Variants in SLC5A3 observed in about 807,000 individuals in gnomAD.
SLC5A3 encodes solute carrier family 5 member 3, also known as sodium/myo-inositol cotransporter.
A neutral mutation model predicts 43.2 loss-of-function variants in SLC5A3; 10 were observed. The ratio of observed to expected loss-of-function variants is 0.23; its 90% CI spans 0.14 to 0.39. SLC5A3 has a LOEUF of 0.39. Among genes scored for constraint, SLC5A3 ranks in the 10% least tolerant of loss-of-function variants. The pLI, the probability that SLC5A3 is intolerant of heterozygous loss-of-function variation, is 1.00. For synonymous variants in SLC5A3, 349 were observed against 322.0 expected, an observed-to-expected ratio of 1.08 and a Z score of -0.90; for missense variants, 608 against 893.4, an observed-to-expected ratio of 0.68 and a Z score of 4.07.
rs769899447 is a variant in SLC5A3 at position 34,095,933 on chromosome 21, A to G, written c.735A>G (p.Lys245=). The change falls in exon 2 of 2, where the codon AAA becomes AAG. Residue 245 remains lysine (K), a synonymous_variant. Coordinates refer to ENST00000381151, the MANE Select transcript of SLC5A3 (RefSeq NM_006933.7). ...ATTCTTGTAATGTCTCCCCTAAGAA[A>G]GAAGCCCTGAAAATGCTGCGGAATC... is the stretch of plus-strand genomic sequence containing the variant. ...NTNSCNVSPK[K]EALKMLRNPT... 2 of 1,614,140 alleles carry G rather than the reference A, an allele frequency of 1.2e-6. No homozygotes were observed. Among genetic ancestry groups the G allele is most frequent in the South Asian group, 1.1e-5 (1 of 91,082 alleles).
In SLC5A3 at chr21:34,088,870, A is replaced by AT. The variant is rs549629019; in HGVS notation, c.-336-5978dup. Among the ~76,000 whole-genome samples, 1,411 of 145,426 alleles carry AT rather than the reference A, an allele frequency of 9.7e-3. 8 individuals carry two copies. Among genetic ancestry groups the AT allele is most frequent in the Non-Finnish European group, 0.012 (772 of 65,718 alleles). ...GTGTTAGGACTTAGGTTAGTGTAAG[A>AT]TTTTTTTTTTTTTTTAAATTTCCAT... is the stretch of plus-strand genomic sequence containing the variant. On this transcript the variant is annotated intron_variant, in intron 1 of 1. Coordinates refer to ENST00000381151, the MANE Select transcript of SLC5A3 (RefSeq NM_006933.7).
chr21:34,102,059 A>G lies in SLC5A3; in HGVS notation c.*4704A>G. ...TATGAGGCTGGATTGTGAAAAGGTA[A>G]TCTTTCGATTGCTAGACTTGGTTAA... On this transcript the variant is annotated 3_prime_UTR_variant, in exon 2 of 2. Transcript: ENST00000381151. The G allele has an allele frequency of 6.0e-6, 6 of 1,000,024 alleles. No homozygotes were observed. The highest frequency in any genetic ancestry group is 7.2e-6 in the Non-Finnish European group (6 of 829,792). 61.9% of individuals were successfully genotyped at this position (1,000,024 alleles called of 1,614,324 possible).
rs939437058 is a variant in SLC5A3, at chr21:34,073,617, A to C, written c.-465A>C. On this transcript the variant is annotated 5_prime_UTR_variant, in exon 1 of 2. Coordinates refer to ENST00000381151, the MANE Select transcript of SLC5A3 (RefSeq NM_006933.7). ...GGAGCCGTCCGGCGCAGCAGTTTCT[A>C]GGTCCCCACTGTCCCCGCCGTCCCG... 3 of 1,228,750 alleles carry C rather than the reference A, an allele frequency of 2.4e-6. No individual in the cohort carries two copies. In the African/African-American group the frequency reaches 4.8e-5, roughly 20 times the overall value. 76.1% of individuals were successfully genotyped at this position (1,228,750 alleles called of 1,614,324 possible). A position where few individuals can be genotyped will look rare whatever the true frequency, so the allele number is the denominator to read the frequency against.
At chr21:34,079,442 T>G (rs982625353) in intron 1 of SLC5A3, among the ~76,000 whole-genome samples, 1 of 150,504 alleles carries the variant, frequency 6.6e-6, no homozygotes, top group Non-Finnish European at 1.5e-5. Flanking sequence ...TTCTTCTTCT[T>G]TCTGTTTTTT....
rs370477500 is a variant in SLC5A3 at position 34,073,656 on chromosome 21, C to G, written c.-426C>G. 7.3e-6 allele frequency: 11 copies of G among 1,507,620 alleles called. No individual in the cohort carries two copies. Among genetic ancestry groups the G allele is most frequent in the South Asian group, 7.0e-5 (6 of 85,726 alleles). 93.4% of individuals were successfully genotyped at this position (1,507,620 alleles called of 1,614,324 possible). On this transcript the variant is annotated 5_prime_UTR_variant, in exon 1 of 2. Coordinates refer to ENST00000381151, the MANE Select transcript of SLC5A3 (RefSeq NM_006933.7). ...CCCGCCGTCCCGCCCCTTCGCGTCC[C>G]GGGAACCGGCTGGCTTCCGAGCCGC...
At position 34,105,378 on chromosome 21, in the gene SLC5A3, A is replaced by G; in HGVS notation, c.*8023A>G. On this transcript the variant is annotated 3_prime_UTR_variant, in exon 2 of 2. Coordinates refer to ENST00000381151, the MANE Select transcript of SLC5A3 (RefSeq NM_006933.7). ...AAAGTTAGTAGTCTTCTTCAAGAAG[A>G]AAACCAATTCTTTTTCTAATAATAT... is the stretch of plus-strand genomic sequence containing the variant. The G allele has an allele frequency of 1.0e-6, 1 of 999,708 alleles. No homozygotes were observed. Among genetic ancestry groups the G allele is most frequent in the Non-Finnish European group, 1.2e-6 (1 of 829,600 alleles). The allele number at this position is 999,708 out of a possible 1,614,324, so 61.9% of individuals were successfully genotyped here.
At chr21:34,092,317 T>G (rs143014532) in intron 1 of SLC5A3, among the ~76,000 whole-genome samples, 1 of 152,176 alleles carries the variant, frequency 6.6e-6, no homozygotes, top group African/African-American at 2.4e-5. Context: ...TTTTCCAGTC[T>G]TTACCAGGTG....
intron 1 of SLC5A3, among the ~76,000 whole-genome samples, chr21:34,076,008 C>T (rs145766996): frequency 2.3e-3 from 352 of 152,304 alleles, no homozygotes; most frequent in African/African-American, 7.4e-3. Flanking sequence ...TTCAAAGTTG[C>T]GTATCTTCCA....
Position 34,103,711 on chromosome 21 carries a change from A to G in SLC5A3, c.*6356A>G. ...TTGCTATGAGCACTACAGTATTGATAAGCCCAAGACAATGCGGTATCTAAA... is the reference window on the plus strand; with the variant it reads ...TTGCTATGAGCACTACAGTATTGATGAGCCCAAGACAATGCGGTATCTAAA... On this transcript the variant is annotated 3_prime_UTR_variant, in exon 2 of 2. Coordinates refer to ENST00000381151, the MANE Select transcript of SLC5A3 (RefSeq NM_006933.7). 1.0e-6 allele frequency: 1 copy of G among 1,000,134 alleles called. No individual in the cohort carries two copies. Among genetic ancestry groups the G allele is most frequent in the Non-Finnish European group, 1.2e-6 (1 of 829,930 alleles). The allele number at this position is 1,000,134 out of a possible 1,614,324, so 62.0% of individuals were successfully genotyped here.
intron 1 of SLC5A3, among the ~76,000 whole-genome samples, chr21:34,080,401 A>C (rs1231015541): frequency 6.6e-6 from 1 of 152,156 alleles, no homozygotes; most frequent in African/African-American, 2.4e-5. Flanking sequence ...CAGTAAACAA[A>C]GTTGTGCAGA....
chr21:34,100,069 T>C lies in SLC5A3; in HGVS notation c.*2714T>C. On this transcript the variant is annotated 3_prime_UTR_variant, in exon 2 of 2. Transcript: ENST00000381151. ...AATGATGACATTGGTCTTTAGACAT[T>C]AACATGTGTATATTTTTATATTAGC... The C allele has an allele frequency of 4.0e-6, 4 of 996,882 alleles. No homozygotes were observed. The highest frequency in any genetic ancestry group is 4.8e-6 in the Non-Finnish European group (4 of 826,974). 61.8% of individuals were successfully genotyped at this position (996,882 alleles called of 1,614,324 possible).
chr21:34,073,659 G>A lies in SLC5A3; in HGVS notation c.-423G>A. 1 of 1,509,420 alleles carries A rather than the reference G, an allele frequency of 6.6e-7. No homozygotes were observed. The highest frequency in any genetic ancestry group is 2.7e-5 in the East Asian group (1 of 36,822). The allele number at this position is 1,509,420 out of a possible 1,614,324, so 93.5% of individuals were successfully genotyped here. ...GCCGTCCCGCCCCTTCGCGTCCCGGGAACCGGCTGGCTTCCGAGCCGCACT... is the reference window on the plus strand; with the variant it reads ...GCCGTCCCGCCCCTTCGCGTCCCGGAAACCGGCTGGCTTCCGAGCCGCACT... On this transcript the variant is annotated 5_prime_UTR_variant, in exon 1 of 2. Transcript: ENST00000381151.
At chr21:34,090,097 G>A (rs964761181) in intron 1 of SLC5A3, among the ~76,000 whole-genome samples, 2 of 152,300 alleles carry the variant, frequency 1.3e-5, no homozygotes, top group East Asian at 3.9e-4. Flanking sequence ...TTTGGGAGGA[G>A]CATTTCAGAT....
rs551314834 is a variant in SLC5A3, at chr21:34,097,265, A to G, written c.2067A>G (p.Glu689=). The G allele has an allele frequency of 6.2e-7, 1 of 1,614,012 alleles. No individual in the cohort carries two copies. The highest frequency in any genetic ancestry group is 1.3e-5 in the African/African-American group (1 of 75,058). The part of the protein sequence containing the change: ...EEEAVCLQML[E]ETRQVKVILN... Reference sequence around the variant, plus strand: ...AGGCTGTTTGTTTACAGATGCTAGAAGAGACTCGGCAAGTTAAAGTAATAC... The same window carrying G: ...AGGCTGTTTGTTTACAGATGCTAGAGGAGACTCGGCAAGTTAAAGTAATAC... Residue 689 remains glutamate (E), a synonymous_variant, in exon 2 of 2, where the codon GAA becomes GAG. Coordinates refer to ENST00000381151, the MANE Select transcript of SLC5A3 (RefSeq NM_006933.7).
chr21:34,103,315 T>TAAAAAAAAAA lies in SLC5A3; in HGVS notation c.*5967_*5976dup. 2.2e-6 allele frequency: 2 copies of TAAAAAAAAAA among 911,356 alleles called. No individual in the cohort carries two copies. Among genetic ancestry groups the TAAAAAAAAAA allele is most frequent in the South Asian group, 5.2e-5 (1 of 19,222 alleles). 56.5% of individuals were successfully genotyped at this position (911,356 alleles called of 1,614,324 possible). ...ATTTTGTCGTAACTAGTGAAGGAAG[T>TAAAAAAAAAA]AAAAAAAAAAAAAAAACATGCATTA... On this transcript the variant is annotated 3_prime_UTR_variant, in exon 2 of 2. Coordinates refer to ENST00000381151, the MANE Select transcript of SLC5A3 (RefSeq NM_006933.7).
At position 34,103,229 on chromosome 21, in the gene SLC5A3, A is replaced by T. The variant is rs573684951; in HGVS notation, c.*5874A>T. The T allele has an allele frequency of 1.1e-4, 112 of 999,326 alleles. No homozygotes were observed. The highest frequency in any genetic ancestry group is 1.2e-4 in the Non-Finnish European group (101 of 829,774). 61.9% of individuals were successfully genotyped at this position (999,326 alleles called of 1,614,324 possible). A position where few individuals can be genotyped will look rare whatever the true frequency, so the allele number is the denominator to read the frequency against. On this transcript the variant is annotated 3_prime_UTR_variant, in exon 2 of 2. Transcript: ENST00000381151. The stretch of plus-strand genomic sequence containing the variant: ...TAGTGCCTTCTGGTTACCAGTATTG[A>T]CTCTGCTAGTTTGCACCTTTCCGTT...
At chr21:34,080,723 T>C (rs572629587) in intron 1 of SLC5A3, among the ~76,000 whole-genome samples, 1 of 152,364 alleles carries the variant, frequency 6.6e-6, no homozygotes, top group East Asian at 1.9e-4. Flanking sequence ...GATTACAAAT[T>C]CTTGAGAGCT....
At position 34,098,717 on chromosome 21, in the gene SLC5A3, A is replaced by G. The variant is rs1425052194; in HGVS notation, c.*1362A>G. On this transcript the variant is annotated 3_prime_UTR_variant, in exon 2 of 2. Coordinates refer to ENST00000381151, the MANE Select transcript of SLC5A3 (RefSeq NM_006933.7). ...TATTACAGGACTGTGTAATTATAGG[A>G]CTCTAACTTGACATGGCTTGGCACC... The G allele has an allele frequency of 2.5e-5, 25 of 999,936 alleles. No individual in the cohort carries two copies. In the South Asian group the frequency reaches 1.1e-3, roughly 43 times the overall value. 61.9% of individuals were successfully genotyped at this position (999,936 alleles called of 1,614,324 possible). A position where few individuals can be genotyped will look rare whatever the true frequency, so the allele number is the denominator to read the frequency against.
chr21:34,074,035 G>T (rs907585899), intron 1 of SLC5A3, among the ~76,000 whole-genome samples: 5 of 145,936 alleles, frequency 3.4e-5, no homozygotes, highest in African/African-American at 1.2e-4. Flanking sequence ...GACCGAGCGG[G>T]CCCCGACCCC....
Sources: gnomAD v4.1 joint callset for allele counts (sites outside exome capture counted in the v4.1 genomes callset) on GRCh38, gnomAD v4.1.1 for gene constraint, MANE v1.5 for transcripts, NCBI Gene and HGNC (gene_info 2026-07-23, HGNC 2026-07-21) for gene names.